NEIL3: variants seen among roughly 807,000 people sequenced by gnomAD.
NEIL3 encodes endonuclease 8-like 3.
Under a neutral mutation model 57.5 loss-of-function variants are expected in NEIL3, and 48 were observed. The observed-to-expected ratio is 0.83, with a 90% CI of 0.66 to 1.06. The LOEUF (loss-of-function observed/expected upper bound fraction) is 1.06, where lower values mean the gene tolerates loss of function less well. NEIL3 is among the 50% of genes least tolerant of loss of function. The pLI, the probability that NEIL3 is intolerant of heterozygous loss-of-function variation, is 0.00. For missense variants in NEIL3, 717 were observed against 739.1 expected, an observed-to-expected ratio of 0.97 and a Z score of 0.35; for synonymous variants, 261 against 253.2, an observed-to-expected ratio of 1.03 and a Z score of -0.29.
rs61746990 is a variant in NEIL3, at chr4:177,336,125, A to C, written c.431A>C (p.Gln144Pro). 1,540 of 1,611,958 alleles carry C rather than the reference A, an allele frequency of 9.6e-4. 14 individuals carry two copies. In the African/African-American group the frequency reaches 0.018, roughly 19 times the overall value. ...SVELRNSMES[Q>P]QRIRMMKELD... ...TTCTATAGAAACTCAATGGAAAGCC[A>C]ACAGAGAATAAGAATGATGAAAGAA... The change falls in exon 4 of 10, where the codon CAA becomes CCA. Residue 144 changes from glutamine to proline, a missense_variant. By Grantham distance (76) the Gln-to-Pro change is moderately conservative. Transcript: ENST00000264596.
At chr4:177,364,385 G>C (rs763804953), downstream of NEIL3, among the ~76,000 whole-genome samples, 1 of 152,142 alleles carries the variant, frequency 6.6e-6, no homozygotes, top group African/African-American at 2.4e-5. Flanking sequence ...ATTTTTTACA[G>C]CTTTTGTCCT....
intron 4 of NEIL3, among the ~76,000 whole-genome samples, chr4:177,337,117 G>A (rs1255432997): frequency 2.0e-5 from 3 of 151,986 alleles, no homozygotes; most frequent in Non-Finnish European, 1.5e-5. Flanking sequence ...TGGTTAAAGG[G>A]CAGAGGTTAA....
chr4:177,352,143 A>G (rs1164413212), intron 7 of NEIL3, among the ~76,000 whole-genome samples: 1 of 152,226 alleles, frequency 6.6e-6, no homozygotes, highest in South Asian at 2.1e-4. Context: ...AGCGGCTTCT[A>G]TTGTGTTCTC....
At chr4:177,335,589 T>C (rs1734957460) in intron 2 of NEIL3, 99 bp from the exon 3 acceptor site, 3 of 1,064,650 alleles carry the variant, frequency 2.8e-6, no homozygotes, top group Non-Finnish European at 4.2e-6. Context: ...TGACTAACAT[T>C]TGTTTGCTTA....
intron 6 of NEIL3, among the ~76,000 whole-genome samples, chr4:177,346,445 A>G (rs1735222721): frequency 6.6e-6 from 1 of 152,186 alleles, no homozygotes; most frequent in Non-Finnish European, 1.5e-5. Context: ...TTGGAACTAC[A>G]GGCATAAGCC....
rs1182158043 is a variant in NEIL3 at position 177,360,347 on chromosome 4, A to G, written c.1461-156A>G. Among the ~76,000 whole-genome samples the G allele has an allele frequency of 3.9e-5, 6 of 152,368 alleles. No homozygotes were observed. The South Asian group carries it at 1.0e-3, about 26-fold the overall frequency. On this transcript the variant is annotated intron_variant, in intron 8 of 9. Transcript: ENST00000264596. ...AGAATTACCTGGGAAAACAAAGAAT[A>G]AAGACAGCCTTTTGCATAATGACCT...
At chr4:177,341,384 A>T in intron 5 of NEIL3, 92 bp from the exon 6 acceptor site, 4 of 1,017,614 alleles carry the variant, frequency 3.9e-6, no homozygotes, top group African/African-American at 1.6e-5. Flanking sequence ...TTAGCAGATG[A>T]TTTTCAGAGG....
In NEIL3 at chr4:177,351,535, CCT is replaced by C; in HGVS notation, c.1027_1028del (p.Ser343LysfsTer4). ...TCTAAGGCATGTGATGCTTGCTTGACCTCAAGGCCTATTGGTAAGACTGAATT... is the reference window on the plus strand; with the variant it reads ...TCTAAGGCATGTGATGCTTGCTTGACCAAGGCCTATTGGTAAGACTGAATT... On this transcript the variant is annotated frameshift_variant, in exon 7 of 10. Transcript: ENST00000264596. LOFTEE classifies it high-confidence loss of function. 6.2e-7 allele frequency: 1 copy of C among 1,611,556 alleles called. No homozygotes were observed. Among genetic ancestry groups the C allele is most frequent in the Non-Finnish European group, 8.5e-7 (1 of 1,179,096 alleles).
rs780968030 is a variant in NEIL3 at position 177,353,323 on chromosome 4, G to A, written c.1055G>A (p.Ser352Asn). Residue 352 changes from serine to asparagine, a missense_variant, in exon 8 of 10, where the codon AGT becomes AAT. Coordinates refer to ENST00000264596, the MANE Select transcript of NEIL3 (RefSeq NM_018248.3). ...TSRPIDSVLK[S>N]EENSTVFSHL... ...CTCCTTCCAGATTCAGTGCTCAAGA[G>A]TGAAGAAAATTCTACTGTCTTTAGC... The A allele has an allele frequency of 2.5e-6, 4 of 1,612,534 alleles. No individual in the cohort carries two copies. The highest frequency in any genetic ancestry group is 1.1e-5 in the South Asian group (1 of 90,660).
intron 2 of NEIL3, among the ~76,000 whole-genome samples, chr4:177,329,028 TTGAATATA>T (rs1373791828): frequency 6.6e-6 from 1 of 152,110 alleles, no homozygotes; most frequent in Non-Finnish European, 1.5e-5. Context: ...TGCATATCGT[TTGAATATA>T]TCACTGAGAT....
rs1735400997 is a variant in NEIL3, at chr4:177,353,353, T to C, written c.1085T>C (p.Leu362Ser). ...GAAAATTCTACTGTCTTTAGCCACT[T>C]AATGAAGTACCCGTGTAATACTTTT... ...SEENSTVFSH[L>S]MKYPCNTFGK... is the part of the protein sequence containing the mutation. Residue 362 changes from leucine (L) to serine (S), a missense_variant, in exon 8 of 10, where the codon TTA becomes TCA. Leu to Ser is a moderately radical substitution (Grantham distance 145, BLOSUM62 -2). Coordinates refer to ENST00000264596, the MANE Select transcript of NEIL3 (RefSeq NM_018248.3). The C allele has an allele frequency of 1.2e-6, 2 of 1,613,650 alleles. No individual in the cohort carries two copies. Among genetic ancestry groups the C allele is most frequent in the Admixed American group, 3.3e-5 (2 of 59,944 alleles).
chr4:177,338,627 C>T (rs1421152562), intron 4 of NEIL3, among the ~76,000 whole-genome samples: 1 of 152,182 alleles, frequency 6.6e-6, no homozygotes, highest in South Asian at 2.1e-4. Context: ...GGCACATGTG[C>T]CAAATAATAA....
In NEIL3 at chr4:177,362,492, T is replaced by C; in HGVS notation, c.*21T>C. 2 of 1,577,836 alleles carry C rather than the reference T, an allele frequency of 1.3e-6. No individual in the cohort carries two copies. Among genetic ancestry groups the C allele is most frequent in the Non-Finnish European group, 1.7e-6 (2 of 1,154,608 alleles). On this transcript the variant is annotated 3_prime_UTR_variant, in exon 10 of 10. Coordinates refer to ENST00000264596, the MANE Select transcript of NEIL3 (RefSeq NM_018248.3). Reference sequence around the variant, plus strand: ...GCTAATATCTGTAGATTCTCTGGCATTTAGTCTCTTCAAACTGTGTATAAT... The same window carrying C: ...GCTAATATCTGTAGATTCTCTGGCACTTAGTCTCTTCAAACTGTGTATAAT...
chr4:177,311,661 C>T (rs1219914953), intron 1 of NEIL3, among the ~76,000 whole-genome samples: 2 of 124,364 alleles, frequency 1.6e-5, no homozygotes, highest in East Asian at 2.3e-4. Context: ...GCAACAAGAG[C>T]GAAACTCTGT....
intron 6 of NEIL3, among the ~76,000 whole-genome samples, chr4:177,349,868 G>A (rs1318946551): frequency 6.6e-6 from 1 of 152,196 alleles, no homozygotes; most frequent in Non-Finnish European, 1.5e-5. Flanking sequence ...AAAAGTTGGA[G>A]CACATGGAAA....
chr4:177,349,547 T>C (rs574258188), intron 6 of NEIL3, among the ~76,000 whole-genome samples: 2 of 152,276 alleles, frequency 1.3e-5, no homozygotes, highest in South Asian at 4.2e-4. Flanking sequence ...CATCAGCTAA[T>C]CCAAAATAAT....
At chr4:177,365,808 A>T (rs1306107695), downstream of NEIL3, among the ~76,000 whole-genome samples, 1 of 152,224 alleles carries the variant, frequency 6.6e-6, no homozygotes, top group Admixed American at 6.5e-5. Flanking sequence ...TATTTTGCTT[A>T]AAGTCACAGT....
intron 9 of NEIL3, among the ~76,000 whole-genome samples, 177 bp downstream of exon 9, chr4:177,360,854 C>T (rs1735594923): frequency 6.6e-6 from 1 of 152,078 alleles, no homozygotes; most frequent in African/African-American, 2.4e-5. Context: ...TGTTCAGCCA[C>T]AAGAAATTTA....
chr4:177,312,391 T>C (rs889684237), intron 1 of NEIL3, among the ~76,000 whole-genome samples: 1 of 152,184 alleles, frequency 6.6e-6, no homozygotes, highest in Non-Finnish European at 1.5e-5. Context: ...AAGAACACCA[T>C]AATGCTCAGT....
Sources: allele counts gnomAD v4.1 joint callset (sites outside exome capture counted in the v4.1 genomes callset), GRCh38; gene constraint gnomAD v4.1.1; transcripts MANE v1.5; gene names NCBI Gene and HGNC (gene_info 2026-07-23, HGNC 2026-07-21).